The following MNS1 variants were observed in gnomAD, a reference collection of about 807,000 sequenced individuals.
The protein encoded by MNS1 is meiosis specific nuclear structural 1, also known as meiosis-specific nuclear structural protein 1.
A neutral mutation model predicts 72.0 loss-of-function variants in MNS1; 63 were observed. The ratio of observed to expected loss-of-function variants is 0.87; its 90% CI spans 0.71 to 1.08. The LOEUF is 1.08. MNS1 is among the 50% of genes least tolerant of loss of function. MNS1 has a pLI of 0.00. For missense variants in MNS1, 604 were observed against 562.4 expected, an observed-to-expected ratio of 1.07 and a Z score of -0.75; for synonymous variants, 188 against 172.1, an observed-to-expected ratio of 1.09 and a Z score of -0.72.
intron 7 of MNS1, among the ~76,000 whole-genome samples, chr15:56,436,305 C>G (rs1232319963): frequency 3.3e-5 from 5 of 152,198 alleles, no homozygotes; most frequent in African/African-American, 1.2e-4. Context: ...AAGAAACTCA[C>G]TCAAAACCGC....
chr15:56,462,369 G>C (rs893754013), intron 2 of MNS1, among the ~76,000 whole-genome samples: 1 of 152,156 alleles, frequency 6.6e-6, no homozygotes, highest in Admixed American at 6.5e-5. Flanking sequence ...ATCACTAAAA[G>C]TGGAACAACC....
At chr15:56,440,309 T>C in intron 7 of MNS1, among the ~76,000 whole-genome samples, 1 of 152,162 alleles carries the variant, frequency 6.6e-6, no homozygotes, top group East Asian at 1.9e-4. Flanking sequence ...ATAAACTGTG[T>C]TAACACCAAA....
chr15:56,458,966 CTATAGA>C (rs1206991706), intron 2 of MNS1, among the ~76,000 whole-genome samples: 2 of 152,154 alleles, frequency 1.3e-5, no homozygotes, highest in Non-Finnish European at 2.9e-5. Context: ...TTTATAAATG[CTATAGA>C]TATATATAGG....
At chr15:56,432,126 C>G (rs2140321433) in intron 8 of MNS1, among the ~76,000 whole-genome samples, 1 of 152,234 alleles carries the variant, frequency 6.6e-6, no homozygotes, top group East Asian at 1.9e-4. Context: ...AGAGGAGATA[C>G]AGGAAAGTTC....
At chr15:56,440,267 C>T (rs77672459) in intron 7 of MNS1, among the ~76,000 whole-genome samples, 1 of 152,034 alleles carries the variant, frequency 6.6e-6, no homozygotes, top group African/African-American at 2.4e-5. Context: ...AATTGTTGAG[C>T]TTCTGAGGAC....
intron 3 of MNS1, among the ~76,000 whole-genome samples, chr15:56,448,609 C>T (rs768244963): frequency 4.6e-5 from 7 of 152,176 alleles, no homozygotes; most frequent in East Asian, 1.9e-4. Flanking sequence ...TATATATGTA[C>T]CACATTTTCT....
chr15:56,429,518 C>A (rs73415819), intron 9 of MNS1: 100 of 178,618 alleles, frequency 5.6e-4, no homozygotes, highest in African/African-American at 2.3e-3. Context: ...CTACCCTTTT[C>A]TTTAAATAGC....
At chr15:56,439,048 T>G (rs938308422) in intron 7 of MNS1, among the ~76,000 whole-genome samples, 24 of 152,086 alleles carry the variant, frequency 1.6e-4, no homozygotes, top group Non-Finnish European at 4.4e-5. Flanking sequence ...TGCCTGACTA[T>G]GTAGGGAAAA....
rs2050465952 is a variant in MNS1 at position 56,428,984 on chromosome 15, T to C, written c.*117A>G. On this transcript the variant is annotated 3_prime_UTR_variant, in exon 10 of 10. Coordinates refer to ENST00000260453, the MANE Select transcript of MNS1 (RefSeq NM_018365.4). The stretch of plus-strand genomic sequence containing the variant: ...TACAAGTTATGAAATTCAGTGATGA[T>C]TTACAAAATCCAAACAGACAATGGA... 6.9e-6 allele frequency: 4 copies of C among 577,442 alleles called. No homozygotes were observed. Among genetic ancestry groups the C allele is most frequent in the East Asian group, 3.2e-5 (1 of 31,690 alleles). The allele number at this position is 577,442 out of a possible 1,614,324, so 35.8% of individuals were successfully genotyped here. A position where few individuals can be genotyped will look rare whatever the true frequency, so the allele number is the denominator to read the frequency against.
At position 56,449,051 on chromosome 15, in the gene MNS1, G is replaced by A. The variant is rs770500956; in HGVS notation, c.354-2108C>T. On this transcript the variant is annotated intron_variant, in intron 3 of 9. Coordinates refer to ENST00000260453, the MANE Select transcript of MNS1 (RefSeq NM_018365.4). ...ATTAGAGGCATGAGCCACCACACCC[G>A]GCTATTTGTAGATGCTTTTGGATGT... Among the ~76,000 whole-genome samples the A allele has an allele frequency of 6.6e-5, 10 of 152,014 alleles. No homozygotes were observed. The East Asian group carries it at 1.4e-3, about 21-fold the overall frequency.
chr15:56,443,649 G>T lies in MNS1; in HGVS notation c.892C>A (p.Leu298Ile), dbSNP rs1336981684. Residue 298 changes from leucine (L) to isoleucine (I), a missense_variant, in exon 6 of 10, where the codon CTT becomes ATT. Coordinates refer to ENST00000260453, the MANE Select transcript of MNS1 (RefSeq NM_018365.4). ...VQENEEKRLQ[L>I]QNALTQKLEE... Reference sequence around the variant, plus strand: ...GGTTATTTTAATACCGCATTCTGAAGCTGTAGCCTTTTCTCCTCATTTTCT... The same window carrying T: ...GGTTATTTTAATACCGCATTCTGAATCTGTAGCCTTTTCTCCTCATTTTCT... 1.2e-6 allele frequency: 2 copies of T among 1,612,208 alleles called. No individual in the cohort carries two copies. The highest frequency in any genetic ancestry group is 4.5e-5 in the East Asian group (2 of 44,836).
intron 2 of MNS1, among the ~76,000 whole-genome samples, chr15:56,459,630 C>T (rs901970541): frequency 6.6e-6 from 1 of 151,940 alleles, no homozygotes; most frequent in Non-Finnish European, 1.5e-5. Flanking sequence ...TTGTCAAGGT[C>T]ATGAAAGACA....
chr15:56,434,424 G>C (rs749346509), intron 7 of MNS1, 29 bp from the exon 8 acceptor site: 2 of 1,584,514 alleles, frequency 1.3e-6, no homozygotes, highest in Non-Finnish European at 1.7e-6. Context: ...AGTTAATTTA[G>C]TAACTATTTC....
At chr15:56,431,234 G>C in intron 9 of MNS1, 139 bp downstream of exon 9, 2 of 887,550 alleles carry the variant, frequency 2.3e-6, no homozygotes, top group Non-Finnish European at 3.4e-6. Context: ...GAGGTTCAGT[G>C]CCTGGACAGG....
intron 8 of MNS1, 137 bp downstream of exon 8, chr15:56,434,001 G>A (rs2050670159): frequency 2.1e-6 from 2 of 958,708 alleles, no homozygotes; most frequent in Admixed American, 2.9e-5. Context: ...AAAATGGTCA[G>A]AAAATTTATA....
intron 2 of MNS1, among the ~76,000 whole-genome samples, chr15:56,463,398 A>G (rs2051035324): frequency 6.6e-6 from 1 of 152,244 alleles, no homozygotes; most frequent in African/African-American, 2.4e-5. Flanking sequence ...ACCAGGCACT[A>G]TTCCAAGAGT....
At chr15:56,451,130 A>T (rs986535362) in intron 3 of MNS1, among the ~76,000 whole-genome samples, 1 of 152,250 alleles carries the variant, frequency 6.6e-6, no homozygotes, top group Non-Finnish European at 1.5e-5. Flanking sequence ...TTAAATCCTT[A>T]TCAGAGATAC....
In MNS1 at chr15:56,453,619, A is replaced by G. The variant is rs74015430; in HGVS notation, c.353+2775T>C. ...TCATAACAGTATGTGTTAACTGTGT[A>G]ATAAATACATTTAGTTAATTGGGCA... On this transcript the variant is annotated intron_variant, in intron 3 of 9. Transcript: ENST00000260453. Among the ~76,000 whole-genome samples the G allele has an allele frequency of 5.4e-3, 824 of 152,334 alleles. 18 individuals carry two copies. Among genetic ancestry groups the G allele is most frequent in the African/African-American group, 0.019 (801 of 41,580 alleles).
In MNS1 at chr15:56,465,115, G is replaced by A. The variant is rs2051051403; in HGVS notation, c.-143C>T. ...GGCGTCTTGGCAACGGTGGAGCTGC[G>A]CGCCCTCCGCTCGACCAAAAGTGAC... On this transcript the variant is annotated 5_prime_UTR_variant, in exon 1 of 10. Transcript: ENST00000260453. 13 of 1,103,734 alleles carry A rather than the reference G, an allele frequency of 1.2e-5. No homozygotes were observed. The highest frequency in any genetic ancestry group is 1.7e-5 in the Non-Finnish European group (13 of 765,388). The allele number at this position is 1,103,734 out of a possible 1,614,324, so 68.4% of individuals were successfully genotyped here.
Sources: allele counts gnomAD v4.1 joint callset (sites outside exome capture counted in the v4.1 genomes callset), GRCh38; gene constraint gnomAD v4.1.1; transcripts MANE v1.5; gene names NCBI Gene and HGNC (gene_info 2026-07-23, HGNC 2026-07-21).